Variants in EIF1B observed in about 807,000 individuals in gnomAD.
EIF1B encodes the protein protein translation factor SUI1 homolog GC20.
EIF1B carries 5 observed loss-of-function variants against 14.8 expected under a neutral mutation model. The observed-to-expected ratio is 0.34, with a 90% CI of 0.18 to 0.71. EIF1B has a LOEUF of 0.71. EIF1B is among the 30% of genes least tolerant of loss of function. The pLI, the probability that EIF1B is intolerant of heterozygous loss-of-function variation, is 0.64. For missense variants in EIF1B, 56 were observed against 134.0 expected, an observed-to-expected ratio of 0.42 and a Z score of 2.87; for synonymous variants, 45 against 45.8, an observed-to-expected ratio of 0.98 and a Z score of 0.07.
chr3:40,311,947 C>A, intron 3 of EIF1B, 23 bp from the exon 4 acceptor site: 1 of 1,556,370 alleles, frequency 6.4e-7, no homozygotes, highest in Non-Finnish European at 8.8e-7. Flanking sequence ...AGTTATTTTG[C>A]TAAATTAGAT....
Position 40,309,840 on chromosome 3 carries a change from C to T in EIF1B, c.-102C>T. On this transcript the variant is annotated 5_prime_UTR_variant, in exon 1 of 4. Transcript: ENST00000232905. ...TCCCAACCCCAGGGCGAAGCGTTTTCTTATTTATTTCCGTTTTCTCGCCAC... is the reference window on the plus strand; with the variant it reads ...TCCCAACCCCAGGGCGAAGCGTTTTTTTATTTATTTCCGTTTTCTCGCCAC... 7.0e-7 allele frequency: 1 copy of T among 1,419,938 alleles called. No individual in the cohort carries two copies. The highest frequency in any genetic ancestry group is 9.9e-7 in the Non-Finnish European group (1 of 1,011,100). 88.0% of individuals were successfully genotyped at this position (1,419,938 alleles called of 1,614,324 possible).
Position 40,310,874 on chromosome 3 carries a change from T to TTC in EIF1B, c.32-18_32-17insCT, listed in dbSNP as rs754691160. The TTC allele has an allele frequency of 2.6e-6, 4 of 1,554,162 alleles. No homozygotes were observed. Among genetic ancestry groups the TTC allele is most frequent in the Non-Finnish European group, 3.5e-6 (4 of 1,155,148 alleles). ...ATTTTTCTACTTTGGATTTTTTTTT[T>TTC]TTTTTTATCCATTCGCAGACCCCTT... On this transcript the variant is annotated intron_variant, in intron 1 of 3. Coordinates refer to ENST00000232905, the MANE Select transcript of EIF1B (RefSeq NM_005875.3).
In EIF1B at chr3:40,310,791, T is replaced by C. The variant is rs549592226; in HGVS notation, c.32-102T>C. On this transcript the variant is annotated intron_variant, in intron 1 of 3. Coordinates refer to ENST00000232905, the MANE Select transcript of EIF1B (RefSeq NM_005875.3). ...AACAGCAAAGGCACTAGAACCTTCA[T>C]TGATGACTGTCTGGATTGGTAGTAT... 7.1e-5 allele frequency: 93 copies of C among 1,303,938 alleles called. No homozygotes were observed. The African/African-American group carries it at 1.3e-3, about 19-fold the overall frequency. The allele number at this position is 1,303,938 out of a possible 1,614,324, so 80.8% of individuals were successfully genotyped here.
Position 40,312,053 on chromosome 3 carries a change from T to G in EIF1B, c.*39T>G. Reference sequence around the variant, plus strand: ...ACGTGGAGAATTTCTTGAATAGTTTTGTTCTCTAAACCCGGTTTGGCTGCC... The same window carrying G: ...ACGTGGAGAATTTCTTGAATAGTTTGGTTCTCTAAACCCGGTTTGGCTGCC... On this transcript the variant is annotated 3_prime_UTR_variant, in exon 4 of 4. Coordinates refer to ENST00000232905, the MANE Select transcript of EIF1B (RefSeq NM_005875.3). The G allele has an allele frequency of 6.6e-7, 1 of 1,513,830 alleles. No homozygotes were observed. Among genetic ancestry groups the G allele is most frequent in the South Asian group, 1.1e-5 (1 of 87,438 alleles). 93.8% of individuals were successfully genotyped at this position (1,513,830 alleles called of 1,614,324 possible).
Position 40,312,049 on chromosome 3 carries a change from G to C in EIF1B, c.*35G>C. On this transcript the variant is annotated 3_prime_UTR_variant, in exon 4 of 4. Coordinates refer to ENST00000232905, the MANE Select transcript of EIF1B (RefSeq NM_005875.3). ...AAATACGTGGAGAATTTCTTGAATA[G>C]TTTTGTTCTCTAAACCCGGTTTGGC... The C allele has an allele frequency of 1.3e-6, 2 of 1,546,632 alleles. No homozygotes were observed. The highest frequency in any genetic ancestry group is 1.8e-6 in the Non-Finnish European group (2 of 1,121,706).
intron 3 of EIF1B, 199 bp downstream of exon 3, chr3:40,311,770 A>G (rs1271173225): frequency 2.0e-5 from 13 of 658,076 alleles, no homozygotes; most frequent in Middle Eastern, 3.4e-4. Flanking sequence ...TCATTTCTTT[A>G]TATACACACA....
In EIF1B at chr3:40,311,216, T is replaced by C. The variant is rs1422220380; in HGVS notation, c.195+160T>C. 5 of 701,442 alleles carry C rather than the reference T, an allele frequency of 7.1e-6. No individual in the cohort carries two copies. The East Asian group carries it at 1.4e-4, about 20-fold the overall frequency. 43.5% of individuals were successfully genotyped at this position (701,442 alleles called of 1,614,324 possible). ...TAAATATTTAGTTATTCTCCCAGTG[T>C]GGTCTCTCATTTTAAAAGAAGATTC... On this transcript the variant is annotated intron_variant, in intron 2 of 3. Coordinates refer to ENST00000232905, the MANE Select transcript of EIF1B (RefSeq NM_005875.3).
At chr3:40,310,375 G>C (rs1246887555) in intron 1 of EIF1B, among the ~76,000 whole-genome samples, 2 of 152,234 alleles carry the variant, frequency 1.3e-5, no homozygotes, top group Non-Finnish European at 2.9e-5. Context: ...CTTAGGGAAA[G>C]ATGCGGATGC....
At chr3:40,311,662 ATC>A (rs1954327817) in intron 3 of EIF1B, 91 bp downstream of exon 3, 1 of 1,052,442 alleles carries the variant, frequency 9.5e-7, no homozygotes, top group African/African-American at 1.6e-5. Flanking sequence ...TAAGTAAAAA[ATC>A]ATACGAATGA....
chr3:40,309,829 C>T lies in EIF1B; in HGVS notation c.-113C>T, dbSNP rs986688060. 1 of 1,327,972 alleles carries T rather than the reference C, an allele frequency of 7.5e-7. No homozygotes were observed. 82.3% of individuals were successfully genotyped at this position (1,327,972 alleles called of 1,614,324 possible). ...CTCCAGCCTAATCCCAACCCCAGGG[C>T]GAAGCGTTTTCTTATTTATTTCCGT... On this transcript the variant is annotated 5_prime_UTR_variant, in exon 1 of 4. Transcript: ENST00000232905.
chr3:40,311,134 G>T, intron 2 of EIF1B, 78 bp downstream of exon 2: 1 of 1,387,180 alleles, frequency 7.2e-7, no homozygotes, highest in Non-Finnish European at 9.8e-7. Flanking sequence ...CCTTTATATC[G>T]GCGTGGATGA....
intron 1 of EIF1B, chr3:40,310,662 C>T: frequency 5.3e-6 from 2 of 374,050 alleles, no homozygotes. Context: ...TCTATAACAG[C>T]GTTTTTCTAC....
At chr3:40,311,319 A>G (rs1954323586) in intron 2 of EIF1B, 151 bp from the exon 3 acceptor site, 3 of 613,844 alleles carry the variant, frequency 4.9e-6, no homozygotes, top group Non-Finnish European at 8.2e-6. Context: ...TGGTTTACAA[A>G]TTAATTTGGA....
chr3:40,311,310 G>T (rs1036161289), intron 2 of EIF1B, 160 bp from the exon 3 acceptor site: 27 of 600,724 alleles, frequency 4.5e-5, no homozygotes, highest in Middle Eastern at 8.2e-4. Flanking sequence ...ATCATTTCCT[G>T]GTTTACAAAT....
Position 40,309,801 on chromosome 3 carries a change from C to G in EIF1B, c.-141C>G. ...TGCCTCCTCCCGGCTTCCGCCGCCG[C>G]CACTCCAGCCTAATCCCAACCCCAG... On this transcript the variant is annotated 5_prime_UTR_variant, in exon 1 of 4. Coordinates refer to ENST00000232905, the MANE Select transcript of EIF1B (RefSeq NM_005875.3). 1 of 978,252 alleles carries G rather than the reference C, an allele frequency of 1.0e-6. No individual in the cohort carries two copies. The highest frequency in any genetic ancestry group is 2.5e-5 in the East Asian group (1 of 39,646). 60.6% of individuals were successfully genotyped at this position (978,252 alleles called of 1,614,324 possible). A position where few individuals can be genotyped will look rare whatever the true frequency, so the allele number is the denominator to read the frequency against.
chr3:40,311,187 C>T (rs929153687), intron 2 of EIF1B, 131 bp downstream of exon 2: 3 of 860,610 alleles, frequency 3.5e-6, no homozygotes, highest in Non-Finnish European at 5.1e-6. Context: ...TTGTAATTAA[C>T]ATGTAAATAT....
At position 40,310,023 on chromosome 3, in the gene EIF1B, C is replaced by T. The variant is rs751867401; in HGVS notation, c.31+51C>T. 1.9e-5 allele frequency: 30 copies of T among 1,609,888 alleles called. No homozygotes were observed. In the South Asian group the frequency reaches 2.5e-4, roughly 14 times the overall value. On this transcript the variant is annotated intron_variant, in intron 1 of 3. Coordinates refer to ENST00000232905, the MANE Select transcript of EIF1B (RefSeq NM_005875.3). ...CTCCCTTGCCCGGCGCGCATCTCGGCCTTTTGCCCGCCTGGCCACCGCCCC... is the reference window on the plus strand; with the variant it reads ...CTCCCTTGCCCGGCGCGCATCTCGGTCTTTTGCCCGCCTGGCCACCGCCCC...
rs1954323833 is a variant in EIF1B at position 40,311,349 on chromosome 3, G to A, written c.196-121G>A. ...TTTGGAAGGATTGTGGATTATAGGA[G>A]ACAAAATCTGTTTCTCTAAATATGA... On this transcript the variant is annotated intron_variant, in intron 2 of 3. Coordinates refer to ENST00000232905, the MANE Select transcript of EIF1B (RefSeq NM_005875.3). 4.3e-6 allele frequency: 3 copies of A among 699,042 alleles called. No individual in the cohort carries two copies. The Admixed American group carries it at 9.5e-5, about 22-fold the overall frequency. The allele number at this position is 699,042 out of a possible 1,614,324, so 43.3% of individuals were successfully genotyped here. A position where few individuals can be genotyped will look rare whatever the true frequency, so the allele number is the denominator to read the frequency against.
intron 1 of EIF1B, 128 bp downstream of exon 1, chr3:40,310,100 C>G (rs976592992): frequency 7.5e-7 from 1 of 1,327,746 alleles, no homozygotes; most frequent in Non-Finnish European, 1.0e-6. Context: ...TTTGTCTCGG[C>G]GCCCAGAAAA....
Sources: gnomAD v4.1 joint callset for allele counts (sites outside exome capture counted in the v4.1 genomes callset) on GRCh38, gnomAD v4.1.1 for gene constraint, MANE v1.5 for transcripts, NCBI Gene and HGNC (gene_info 2026-07-23, HGNC 2026-07-21) for gene names.